The following ATP6V1H variants were observed in gnomAD, a reference collection of about 807,000 sequenced individuals.
ATP6V1H encodes the protein ATPase H+ transporting V1 subunit H, also known as V-type proton ATPase subunit H.
Under a neutral mutation model 71.7 loss-of-function variants are expected in ATP6V1H, and 39 were observed. That is an observed-to-expected ratio of 0.54 (90% CI 0.42 to 0.71). The LOEUF is 0.71. ATP6V1H is among the 30% of genes least tolerant of loss of function. The pLI, the probability that ATP6V1H is intolerant of heterozygous loss-of-function variation, is 0.00. For missense variants in ATP6V1H, 509 were observed against 594.9 expected, an observed-to-expected ratio of 0.86 and a Z score of 1.50; for synonymous variants, 192 against 199.3, an observed-to-expected ratio of 0.96 and a Z score of 0.31.
intron 2 of ATP6V1H, among the ~76,000 whole-genome samples, chr8:53,837,769 GAGAC>G (rs1178764417): frequency 2.0e-5 from 3 of 152,188 alleles, no homozygotes; most frequent in Non-Finnish European, 4.4e-5. Flanking sequence ...AAGGATAGCA[GAGAC>G]AGACAGCAGG....
chr8:53,828,073 CGT>C lies in ATP6V1H; in HGVS notation c.306+1369_306+1370del, dbSNP rs567892619. On this transcript the variant is annotated intron_variant, in intron 4 of 13. Transcript: ENST00000359530. ...TGAATGGCGCTGCAACGAACAAACA[CGT>C]GTGTGTGGTCTTTACAGTAGGACGA... Among the ~76,000 whole-genome samples the C allele has an allele frequency of 2.1e-3, 317 of 152,278 alleles. 3 individuals carry two copies. The highest frequency in any genetic ancestry group is 7.1e-3 in the African/African-American group (296 of 41,568).
At position 53,732,985 on chromosome 8, in the gene ATP6V1H, G is replaced by A. The variant is rs1373281982; in HGVS notation, c.1391+10592C>T. Among the ~76,000 whole-genome samples, 7 of 152,184 alleles carry A rather than the reference G, an allele frequency of 4.6e-5. No individual in the cohort carries two copies. In the South Asian group the frequency reaches 1.4e-3, roughly 31 times the overall value. On this transcript the variant is annotated intron_variant, in intron 13 of 13. Transcript: ENST00000359530. Reference sequence around the variant, plus strand: ...CTCGAGCTATGCAAATGCCCCTGACGGAGCAGTGATATACTGGGGTAGACA... The same window carrying A: ...CTCGAGCTATGCAAATGCCCCTGACAGAGCAGTGATATACTGGGGTAGACA...
chr8:53,770,558 C>T (rs575031331), intron 10 of ATP6V1H, among the ~76,000 whole-genome samples: 4 of 152,208 alleles, frequency 2.6e-5, no homozygotes, highest in East Asian at 3.9e-4. Context: ...TAAAGTAGTA[C>T]AATACTTTAA....
At chr8:53,807,977 A>G (rs1810144761) in intron 7 of ATP6V1H, among the ~76,000 whole-genome samples, 1 of 152,228 alleles carries the variant, frequency 6.6e-6, no homozygotes, top group Admixed American at 6.5e-5. Context: ...TCTACTGGAC[A>G]TGGATTGCTC....
Position 53,817,493 on chromosome 8 carries a change from G to T in ATP6V1H, c.344C>A (p.Ala115Glu). The change falls in exon 5 of 14, where the codon GCA becomes GAA. Residue 115 changes from alanine to glutamate, a missense_variant. Transcript: ENST00000359530. ...HQRVSIFFDY[A>E]RCSKNTAWPY... is the part of the protein sequence containing the mutation. ...CCACGCAGTGTTCTTGCTACATCTT[G>T]CATAGTCAAAGAAAATGCTAACACG... 6.2e-7 allele frequency: 1 copy of T among 1,613,160 alleles called. No homozygotes were observed. The highest frequency in any genetic ancestry group is 8.5e-7 in the Non-Finnish European group (1 of 1,179,450).
chr8:53,808,642 T>C (rs1382762818), intron 7 of ATP6V1H, among the ~76,000 whole-genome samples: 1 of 151,914 alleles, frequency 6.6e-6, no homozygotes, highest in Non-Finnish European at 1.5e-5. Context: ...TGGTGGCTCG[T>C]GCTTGTAGTC....
intron 11 of ATP6V1H, among the ~76,000 whole-genome samples, chr8:53,760,165 C>A (rs915302253): frequency 1.3e-5 from 2 of 152,222 alleles, no homozygotes; most frequent in African/African-American, 2.4e-5. Context: ...AGCTGGTGAT[C>A]AGCAGCTTCC....
At chr8:53,752,051 C>A (rs1195014587) in intron 12 of ATP6V1H, among the ~76,000 whole-genome samples, 2 of 152,146 alleles carry the variant, frequency 1.3e-5, no homozygotes, top group Non-Finnish European at 2.9e-5. Context: ...TTAAACCTAT[C>A]ATTTAAGTTC....
chr8:53,809,507 C>A (rs1810204195), intron 7 of ATP6V1H, among the ~76,000 whole-genome samples: 1 of 152,190 alleles, frequency 6.6e-6, no homozygotes, highest in Non-Finnish European at 1.5e-5. Flanking sequence ...TCCTAACTCA[C>A]AATCACTCCT....
chr8:53,761,115 T>G (rs186033224), intron 11 of ATP6V1H, among the ~76,000 whole-genome samples: 4 of 152,088 alleles, frequency 2.6e-5, no homozygotes, highest in Non-Finnish European at 5.9e-5. Flanking sequence ...GGTGGGCAGA[T>G]CACGAGGTCA....
intron 9 of ATP6V1H, among the ~76,000 whole-genome samples, chr8:53,778,756 T>C (rs1277044394): frequency 6.6e-6 from 1 of 152,194 alleles, no homozygotes; most frequent in Non-Finnish European, 1.5e-5. Flanking sequence ...GTGAACTAGA[T>C]ACTCCAGTTA....
At chr8:53,759,880 A>G (rs891642141) in intron 11 of ATP6V1H, among the ~76,000 whole-genome samples, 3 of 152,256 alleles carry the variant, frequency 2.0e-5, no homozygotes, top group African/African-American at 7.2e-5. Context: ...TAAGTGTGGA[A>G]TTACCTGACG....
At chr8:53,763,139 A>G (rs1177458899) in intron 11 of ATP6V1H, among the ~76,000 whole-genome samples, 1 of 152,210 alleles carries the variant, frequency 6.6e-6, no homozygotes, top group Non-Finnish European at 1.5e-5. Context: ...GGGGAAGCTA[A>G]AAGTTATACA....
intron 9 of ATP6V1H, among the ~76,000 whole-genome samples, chr8:53,787,996 A>C (rs1809437872): frequency 6.6e-6 from 1 of 152,238 alleles, no homozygotes; most frequent in Admixed American, 6.5e-5. Flanking sequence ...ATCTTCAAAT[A>C]ACCTCATCAG....
intron 8 of ATP6V1H, among the ~76,000 whole-genome samples, chr8:53,796,573 G>A (rs1228805396): frequency 1.3e-5 from 2 of 151,314 alleles, no homozygotes; most frequent in Non-Finnish European, 2.9e-5. Context: ...TATTGGAGCA[G>A]AGCCTACCAT....
At chr8:53,735,847 T>C (rs142118271) in intron 13 of ATP6V1H, among the ~76,000 whole-genome samples, 1 of 152,332 alleles carries the variant, frequency 6.6e-6, no homozygotes, top group Non-Finnish European at 1.5e-5. Context: ...CTCCCACTGC[T>C]GCTAAAGTTG....
intron 2 of ATP6V1H, among the ~76,000 whole-genome samples, chr8:53,840,549 C>T (rs1811313308): frequency 6.6e-6 from 1 of 151,952 alleles, no homozygotes; most frequent in Non-Finnish European, 1.5e-5. Context: ...CATCTGACTT[C>T]CCTACTAGAG....
At chr8:53,755,422 C>T (rs1288588460) in intron 12 of ATP6V1H, among the ~76,000 whole-genome samples, 1 of 145,154 alleles carries the variant, frequency 6.9e-6, no homozygotes, top group Non-Finnish European at 1.5e-5. Context: ...ATTAAGTTTC[C>T]GTCTTTAGTG....
intron 5 of ATP6V1H, among the ~76,000 whole-genome samples, chr8:53,816,900 A>T (rs1297259024): frequency 6.6e-6 from 1 of 152,208 alleles, no homozygotes; most frequent in East Asian, 1.9e-4. Flanking sequence ...TAATTTCTAT[A>T]TAGTAAAATG....
Sources: allele counts gnomAD v4.1 joint callset (sites outside exome capture counted in the v4.1 genomes callset), GRCh38; gene constraint gnomAD v4.1.1; transcripts MANE v1.5; gene names NCBI Gene and HGNC (gene_info 2026-07-23, HGNC 2026-07-21).